DDX10: variants seen among roughly 807,000 people sequenced by gnomAD.
DDX10 encodes the protein probable ATP-dependent RNA helicase DDX10.
DDX10 carries 74 observed loss-of-function variants against 104.3 expected under a neutral mutation model. The observed-to-expected ratio is 0.71, with a 90% CI of 0.59 to 0.86. The LOEUF is 0.86. Among genes scored for constraint, DDX10 ranks in the 40% least tolerant of loss-of-function variants. The pLI is 0.00. For synonymous variants in DDX10, 351 were observed against 353.4 expected, an observed-to-expected ratio of 0.99 and a Z score of 0.08; for missense variants, 952 against 1,040.0, an observed-to-expected ratio of 0.92 and a Z score of 1.16.
intron 17 of DDX10, among the ~76,000 whole-genome samples, chr11:108,926,832 G>T (rs1355382691): frequency 6.6e-6 from 1 of 152,148 alleles, no homozygotes; most frequent in East Asian, 1.9e-4. Flanking sequence ...GGGTATAAAG[G>T]TTTCTGAGAA....
At chr11:108,668,827 T>TA (rs369501356) in intron 1 of DDX10, among the ~76,000 whole-genome samples, 20 of 152,326 alleles carry the variant, frequency 1.3e-4, no homozygotes, top group African/African-American at 4.8e-4. Context: ...AGTAAGTTTG[T>TA]AACATGTACC....
intron 16 of DDX10, among the ~76,000 whole-genome samples, chr11:108,858,266 C>T (rs967201880): frequency 3.3e-5 from 5 of 152,096 alleles, no homozygotes; most frequent in South Asian, 2.1e-4. Context: ...TCTGGACCAC[C>T]GGACTTCGTG....
chr11:108,741,601 T>C (rs1350669727), intron 13 of DDX10, among the ~76,000 whole-genome samples: 1 of 152,172 alleles, frequency 6.6e-6, no homozygotes, highest in Non-Finnish European at 1.5e-5. Flanking sequence ...GATCCTCAGC[T>C]TGGATATTGC....
chr11:108,691,841 C>A (rs932235371), intron 7 of DDX10, 35 bp from the exon 8 acceptor site: 1 of 1,591,928 alleles, frequency 6.3e-7, no homozygotes, highest in Non-Finnish European at 8.6e-7. Context: ...CTGCCATCTG[C>A]CATAAGCAAA....
At chr11:108,880,940 T>C (rs1254956917) in intron 16 of DDX10, among the ~76,000 whole-genome samples, 1 of 152,202 alleles carries the variant, frequency 6.6e-6, no homozygotes, top group Non-Finnish European at 1.5e-5. Flanking sequence ...TGTTCTCTCT[T>C]TTGACTGACC....
At chr11:108,780,732 G>A (rs897988050) in intron 13 of DDX10, among the ~76,000 whole-genome samples, 2 of 152,106 alleles carry the variant, frequency 1.3e-5, no homozygotes, top group Admixed American at 6.6e-5. Context: ...GTTGGAAAAT[G>A]TTTCTGTTAT....
chr11:108,820,286 C>G (rs1290437310), intron 13 of DDX10, among the ~76,000 whole-genome samples: 1 of 152,086 alleles, frequency 6.6e-6, no homozygotes, highest in Non-Finnish European at 1.5e-5. Context: ...CACTTGTCAT[C>G]AGAGATCCAG....
intron 9 of DDX10, among the ~76,000 whole-genome samples, chr11:108,699,998 C>A (rs1301647649): frequency 6.6e-6 from 1 of 152,158 alleles, no homozygotes; most frequent in Non-Finnish European, 1.5e-5. Context: ...AACATACTTT[C>A]AAATCCATAA....
chr11:108,829,565 T>C (rs929492540), intron 13 of DDX10, among the ~76,000 whole-genome samples: 4 of 152,266 alleles, frequency 2.6e-5, no homozygotes, highest in African/African-American at 9.6e-5. Flanking sequence ...CTGATTTCTT[T>C]TGCTGTGCAG....
intron 1 of DDX10, among the ~76,000 whole-genome samples, chr11:108,671,048 C>G (rs1477661868): frequency 1.3e-5 from 2 of 152,108 alleles, no homozygotes; most frequent in African/African-American, 4.8e-5. Flanking sequence ...AAGGACCATC[C>G]CTGAAATATC....
chr11:108,920,700 G>A (rs2134666370), intron 17 of DDX10: 1 of 152,350 alleles, frequency 6.6e-6, no homozygotes, highest in Admixed American at 6.5e-5. Context: ...AGGTAGCTCA[G>A]GATAATGTCA....
intron 16 of DDX10, among the ~76,000 whole-genome samples, chr11:108,870,083 G>A (rs898711025): frequency 2.6e-5 from 4 of 151,824 alleles, no homozygotes; most frequent in Admixed American, 1.3e-4. Flanking sequence ...CTGCGTAAGG[G>A]GTATATGGGA....
intron 16 of DDX10, among the ~76,000 whole-genome samples, chr11:108,913,957 T>C (rs1863712911): frequency 6.6e-6 from 1 of 152,224 alleles, no homozygotes; most frequent in Non-Finnish European, 1.5e-5. Flanking sequence ...TTGTCATGAA[T>C]TGACTGTAAT....
chr11:108,673,929 G>A (rs891324001), intron 2 of DDX10, among the ~76,000 whole-genome samples: 8 of 152,266 alleles, frequency 5.3e-5, no homozygotes, highest in Admixed American at 2.0e-4. Context: ...GGTGGCATTG[G>A]TTTCCTCTTA....
chr11:108,832,567 A>G (rs2615732), intron 13 of DDX10, among the ~76,000 whole-genome samples: 18,608 of 152,220 alleles, frequency 0.12, 1,556 homozygotes, highest in East Asian at 0.27. Flanking sequence ...ATGTTCTGTC[A>G]TACGTAAAAT....
intron 13 of DDX10, among the ~76,000 whole-genome samples, chr11:108,741,907 TAGA>T (rs1039794797): frequency 2.0e-5 from 3 of 151,990 alleles, no homozygotes; most frequent in Non-Finnish European, 2.9e-5. Flanking sequence ...ACCCCAAAGC[TAGA>T]AGAAGAAGAC....
intron 16 of DDX10, among the ~76,000 whole-genome samples, chr11:108,903,686 G>A (rs1431787924): frequency 1.3e-5 from 2 of 152,062 alleles, no homozygotes; most frequent in Admixed American, 1.3e-4. Flanking sequence ...CAGCACCCAT[G>A]GTTTTTGTTT....
chr11:108,686,598 T>C (rs2094244442), intron 6 of DDX10, among the ~76,000 whole-genome samples: 1 of 152,222 alleles, frequency 6.6e-6, no homozygotes, highest in African/African-American at 2.4e-5. Context: ...CACTGAATAA[T>C]ATTCCATTGT....
At chr11:108,881,250 C>A (rs576642528) in intron 16 of DDX10, among the ~76,000 whole-genome samples, 1 of 152,228 alleles carries the variant, frequency 6.6e-6, no homozygotes, top group African/African-American at 2.4e-5. Context: ...TTTATGACTG[C>A]CCTCCATAGG....
Sources: gnomAD v4.1 joint callset for allele counts (sites outside exome capture counted in the v4.1 genomes callset) on GRCh38, gnomAD v4.1.1 for gene constraint, MANE v1.5 for transcripts, NCBI Gene and HGNC (gene_info 2026-07-23, HGNC 2026-07-21) for gene names.